FAM187A: variants seen among roughly 807,000 people sequenced by gnomAD.
FAM187A encodes family with sequence similarity 187 member A, also known as Ig-like V-type domain-containing protein FAM187A.
A neutral mutation model predicts 6.4 loss-of-function variants in FAM187A; 4 were observed. The observed-to-expected ratio is 0.63, with a 90% CI of 0.31 to 1.44. The LOEUF is 1.44. FAM187A is among the 40% of genes most tolerant of loss of function. The pLI, the probability that FAM187A is intolerant of heterozygous loss-of-function variation, is 0.07. For missense variants in FAM187A, 463 were observed against 542.2 expected (o/e 0.85, Z 1.45); for synonymous variants, 221 against 213.4 (o/e 1.04, Z -0.31).
exon 4 of FAM187A, chr17:44,904,953 G>T: frequency 6.4e-7 from 1 of 1,550,614 alleles, no homozygotes. Flanking sequence ...CCTGAGACTC[G>T]CTCGGCTGTG....
rs777529965 is a variant in FAM187A, at chr17:44,905,025, G to A, written c.1196G>A (p.Arg399His). The change falls in exon 4 of 4, where the codon CGT becomes CAT. Residue 399 changes from arginine to histidine, a missense_variant. Coordinates refer to ENST00000331733, the Ensembl canonical transcript of FAM187A. ...GTCTTTGTCACCATTCACTTCTGTC[G>A]TTGCTGCTGCTACTTATTTCACTGT... 2.3e-5 allele frequency: 35 copies of A among 1,549,696 alleles called. No homozygotes were observed. The East Asian group carries it at 3.2e-4, about 14-fold the overall frequency.
exon 4 of FAM187A, chr17:44,904,710 C>T (rs1260275073): frequency 6.4e-7 from 1 of 1,550,586 alleles, no homozygotes; most frequent in Non-Finnish European, 8.7e-7. Context: ...GGGGCCCGGC[C>T]AGAGCATGCA....
At chr17:44,903,745 C>T in exon 4 of FAM187A, 1 of 1,459,574 alleles carries the variant, frequency 6.9e-7, no homozygotes, top group East Asian at 2.5e-5. Flanking sequence ...CTAGAGGCTT[C>T]CGCTTAGCAG....
chr17:44,904,232 G>A (rs1006460209), exon 4 of FAM187A: 11 of 1,550,536 alleles, frequency 7.1e-6, no homozygotes, highest in Admixed American at 5.9e-5. Flanking sequence ...CTACTTTTAC[G>A]CCTACGATGT....
At chr17:44,905,069 T>G (rs1196056652) in exon 4 of FAM187A, 35 of 1,534,952 alleles carry the variant, frequency 2.3e-5, no homozygotes, top group Non-Finnish European at 2.6e-5. Context: ...CTTCTCCCCC[T>G]AGGAGCTCTC....
chr17:44,904,153 C>T (rs1383096607), exon 4 of FAM187A: 2 of 1,550,262 alleles, frequency 1.3e-6, no homozygotes, highest in South Asian at 2.4e-5. Context: ...TCCGCATGTT[C>T]AGCTTGTTGG....
exon 4 of FAM187A, chr17:44,904,535 G>T: frequency 6.4e-7 from 1 of 1,550,550 alleles, no homozygotes. Context: ...TGAGGTGCTG[G>T]TTCGGAGCTG....
Position 44,903,625 on chromosome 17 carries a change from G to GA in FAM187A, c.-203dup. On this transcript the variant is annotated 5_prime_UTR_variant, in exon 4 of 4. In the 5' UTR this introduces an upstream ATG that the reference lacks. Coordinates refer to ENST00000331733, the Ensembl canonical transcript of FAM187A. Reference sequence around the variant, plus strand: ...CCCCCCCACCCTGAGATCAGGTCTGGAATGTTAGAAGGGCATCTTGTACAT... The same window carrying GA: ...CCCCCCCACCCTGAGATCAGGTCTGGAAATGTTAGAAGGGCATCTTGTACAT... 1 of 1,430,462 alleles carries GA rather than the reference G, an allele frequency of 7.0e-7. No homozygotes were observed. Among genetic ancestry groups the GA allele is most frequent in the Non-Finnish European group, 9.1e-7 (1 of 1,098,972 alleles). 88.6% of individuals were successfully genotyped at this position (1,430,462 alleles called of 1,614,324 possible).
exon 4 of FAM187A, chr17:44,904,888 T>A: frequency 6.4e-7 from 1 of 1,550,604 alleles, no homozygotes; most frequent in Non-Finnish European, 8.7e-7. Flanking sequence ...TGCTAGTTGC[T>A]GGCTTCCGGC....
At chr17:44,903,614 G>C in exon 4 of FAM187A, 1 of 1,408,596 alleles carries the variant, frequency 7.1e-7, no homozygotes, top group Non-Finnish European at 9.2e-7. Context: ...CCCACCCTGA[G>C]ATCAGGTCTG....
chr17:44,905,056 C>T (rs1346226861), exon 4 of FAM187A: 2 of 1,542,888 alleles, frequency 1.3e-6, no homozygotes, highest in East Asian at 4.9e-5. Context: ...ACTGTTGTCC[C>T]AGCTTCTCCC....
exon 4 of FAM187A, chr17:44,904,124 A>G (rs2051609931): frequency 6.4e-7 from 1 of 1,550,564 alleles, no homozygotes; most frequent in Admixed American, 2.0e-5. Flanking sequence ...GGGCAGCGAC[A>G]TGCTGACCCG....
chr17:44,904,981 C>A, exon 4 of FAM187A: 1 of 1,550,816 alleles, frequency 6.4e-7, no homozygotes, highest in East Asian at 2.4e-5. Context: ...CCCTGATAGG[C>A]TACCTGCTCA....
At chr17:44,904,933 G>A (rs764415152) in exon 4 of FAM187A, 64 of 1,550,502 alleles carry the variant, frequency 4.1e-5, no homozygotes, top group African/African-American at 1.4e-5. Flanking sequence ...ACCCAGCCTC[G>A]TTCTCAGATC....
exon 4 of FAM187A, chr17:44,904,538 C>T (rs758920585): frequency 6.7e-5 from 104 of 1,550,358 alleles, no homozygotes; most frequent in Middle Eastern, 3.3e-4. Context: ...GGTGCTGGTT[C>T]GGAGCTGCTT....
chr17:44,903,953 G>A (rs1435444339), exon 4 of FAM187A: 1 of 1,550,592 alleles, frequency 6.4e-7, no homozygotes, highest in Admixed American at 2.0e-5. Context: ...TGAAAATGCA[G>A]CCTACCTGGC....
At chr17:44,904,460 G>T in exon 4 of FAM187A, 1 of 1,544,356 alleles carries the variant, frequency 6.5e-7, no homozygotes, top group South Asian at 1.2e-5. Flanking sequence ...CGTGCCCGAT[G>T]TGGTGTCTTG....
At chr17:44,903,842 C>G in exon 4 of FAM187A, 1 of 1,548,528 alleles carries the variant, frequency 6.5e-7, no homozygotes, top group Non-Finnish European at 8.7e-7. Context: ...GCACCTGGCC[C>G]TCACCACTGT....
exon 4 of FAM187A, chr17:44,905,039 T>C (rs1418355557): frequency 6.5e-7 from 1 of 1,548,424 alleles, no homozygotes; most frequent in Admixed American, 2.0e-5. Context: ...CTGCTGCTAC[T>C]TATTTCACTG....
Sources: gnomAD v4.1 joint callset for allele counts on GRCh38, gnomAD v4.1.1 for gene constraint, MANE v1.5 for transcripts, NCBI Gene and HGNC (gene_info 2026-07-23, HGNC 2026-07-21) for gene names.